OR2L13: variants seen among roughly 807,000 people sequenced by gnomAD.
OR2L13 encodes olfactory receptor family 2 subfamily L member 13, also known as olfactory receptor 2L13.
OR2L13 carries 14 observed loss-of-function variants against 15.3 expected under a neutral mutation model. That is an observed-to-expected ratio of 0.91 (90% CI 0.60 to 1.43). The LOEUF is 1.43. Ranked by LOEUF, OR2L13 falls within the 40% of genes most tolerant of loss-of-function variation. The pLI is 0.00. For synonymous variants in OR2L13, 152 were observed against 142.9 expected (o/e 1.06, Z -0.45); for missense variants, 367 against 387.9 (o/e 0.95, Z 0.45).
At chr1:248,042,968 C>G in the OR2L13 span, among the ~76,000 whole-genome samples, 2 of 151,976 alleles carry the variant, frequency 1.3e-5, no homozygotes, top group Non-Finnish European at 2.9e-5. Context: ...GCCAAATCAC[C>G]AAAAAATGGA....
the OR2L13 span, among the ~76,000 whole-genome samples, chr1:247,950,682 C>T: frequency 6.6e-6 from 1 of 152,030 alleles, no homozygotes; most frequent in Non-Finnish European, 1.5e-5. Flanking sequence ...TCACTCCTAC[C>T]TAGGACCTAA....
At chr1:248,022,502 A>G in the OR2L13 span, 1 of 1,614,198 alleles carries the variant, frequency 6.2e-7, no homozygotes, top group Non-Finnish European at 8.5e-7. Flanking sequence ...CTATGTTGAC[A>G]TTAGCCTGTA....
the OR2L13 span, among the ~76,000 whole-genome samples, chr1:248,069,274 T>C: frequency 6.6e-6 from 1 of 152,212 alleles, no homozygotes. Flanking sequence ...ACAGTGGATC[T>C]CTCAGCAGAA....
At chr1:247,989,279 A>G in the OR2L13 span, among the ~76,000 whole-genome samples, 4 of 152,196 alleles carry the variant, frequency 2.6e-5, no homozygotes, top group African/African-American at 9.6e-5. Context: ...AGGCAAAGAC[A>G]ATTCAAGAAG....
the OR2L13 span, among the ~76,000 whole-genome samples, chr1:248,032,770 G>C: frequency 6.6e-6 from 1 of 152,054 alleles, no homozygotes; most frequent in Non-Finnish European, 1.5e-5. Flanking sequence ...CACTTAAGTT[G>C]TCTCTGCCTT....
At chr1:247,937,785 G>A in the OR2L13 span, among the ~76,000 whole-genome samples, 1 of 152,222 alleles carries the variant, frequency 6.6e-6, no homozygotes, top group Non-Finnish European at 1.5e-5. Context: ...ACATTTTAAT[G>A]AAATAAATGT....
the OR2L13 span, among the ~76,000 whole-genome samples, chr1:247,955,069 G>A: frequency 6.6e-6 from 1 of 151,816 alleles, no homozygotes; most frequent in Non-Finnish European, 1.5e-5. Flanking sequence ...TTTAACATTA[G>A]GTATATCTCC....
chr1:247,960,941 G>C, the OR2L13 span, among the ~76,000 whole-genome samples: 150,749 of 152,200 alleles, frequency 0.99, 74,674 homozygotes, highest in Middle Eastern at 1. Context: ...GCTGCACCCA[G>C]TGTCCTGTAC....
the OR2L13 span, among the ~76,000 whole-genome samples, chr1:247,987,735 A>G: frequency 6.6e-6 from 1 of 151,940 alleles, no homozygotes; most frequent in Non-Finnish European, 1.5e-5. Flanking sequence ...CCAGCCCTTG[A>G]CTCATGACAC....
At chr1:248,094,242 G>T (rs1393593315), upstream of OR2L13, among the ~76,000 whole-genome samples, 1 of 151,812 alleles carries the variant, frequency 6.6e-6, no homozygotes, top group Admixed American at 6.6e-5. Flanking sequence ...AAAAAACAAA[G>T]AACATGGATA....
the OR2L13 span, chr1:247,965,655 A>G: frequency 6.5e-7 from 1 of 1,545,546 alleles, no homozygotes; most frequent in South Asian, 1.3e-5. Context: ...AGACCATTAG[A>G]TTTTTGGGCT....
chr1:248,002,459 G>A, the OR2L13 span, among the ~76,000 whole-genome samples: 2 of 137,690 alleles, frequency 1.5e-5, no homozygotes, highest in African/African-American at 3.2e-5. Context: ...TCATGTAAGT[G>A]AATTCATGCA....
chr1:248,011,356 A>C, the OR2L13 span, among the ~76,000 whole-genome samples: 1 of 152,132 alleles, frequency 6.6e-6, no homozygotes, highest in Non-Finnish European at 1.5e-5. Flanking sequence ...TGGGTAAACC[A>C]GTCTTTCTCT....
At chr1:247,990,445 T>G in the OR2L13 span, 1 of 1,581,792 alleles carries the variant, frequency 6.3e-7, no homozygotes, top group Non-Finnish European at 8.7e-7. Flanking sequence ...CCCATGTATT[T>G]CCTACTTAGT....
chr1:247,973,638 A>G, the OR2L13 span, among the ~76,000 whole-genome samples: 2 of 152,214 alleles, frequency 1.3e-5, no homozygotes, highest in East Asian at 1.9e-4. Flanking sequence ...GACACTTCCC[A>G]AAAGAAGATA....
the OR2L13 span, chr1:248,022,735 C>G: frequency 9.9e-6 from 16 of 1,613,988 alleles, no homozygotes; most frequent in African/African-American, 1.3e-5. Context: ...TGTCCAAGAT[C>G]CCTGCGATCT....
At chr1:248,069,198 G>GA in the OR2L13 span, among the ~76,000 whole-genome samples, 1 of 152,082 alleles carries the variant, frequency 6.6e-6, no homozygotes, top group Non-Finnish European at 1.5e-5. Flanking sequence ...TGAAATGAAG[G>GA]AAAAAATGTT....
the OR2L13 span, among the ~76,000 whole-genome samples, chr1:248,002,470 A>G: frequency 0.022 from 3,203 of 147,116 alleles, 104 homozygotes; most frequent in African/African-American, 0.078. Flanking sequence ...AATTCATGCA[A>G]TATTTGTCTT....
the OR2L13 span, among the ~76,000 whole-genome samples, chr1:248,006,243 A>ATGTGTGTGTG: frequency 3.0e-3 from 415 of 139,702 alleles, no homozygotes; most frequent in Middle Eastern, 7.2e-3. Flanking sequence ...ATTGCAAGAT[A>ATGTGTGTGTG]TGTGTGTGTG....
Sources: allele counts gnomAD v4.1 joint callset (sites outside exome capture counted in the v4.1 genomes callset), GRCh38; gene constraint gnomAD v4.1.1; transcripts MANE v1.5; gene names NCBI Gene and HGNC (gene_info 2026-07-23, HGNC 2026-07-21).